FAM193B: variants seen among roughly 807,000 people sequenced by gnomAD.
The protein encoded by FAM193B is family with sequence similarity 193 member B.
A neutral mutation model predicts 70.7 loss-of-function variants in FAM193B; 27 were observed. The ratio of observed to expected loss-of-function variants is 0.38; its 90% CI spans 0.28 to 0.53. The LOEUF (loss-of-function observed/expected upper bound fraction) is 0.53. Among genes scored for constraint, FAM193B ranks in the 20% least tolerant of loss-of-function variants. FAM193B has a pLI of 0.81. For missense variants in FAM193B, 1,022 were observed against 1,072.5 expected (o/e 0.95, Z 0.66); for synonymous variants, 448 against 436.0 (o/e 1.03, Z -0.34).
At chr5:177,522,799 C>CT (rs1246733217) in intron 7 of FAM193B, among the ~76,000 whole-genome samples, 1 of 152,248 alleles carries the variant, frequency 6.6e-6, no homozygotes, top group Non-Finnish European at 1.5e-5. Context: ...ACTGCAACCT[C>CT]TGACTCCCAG....
intron 5 of FAM193B, chr5:177,531,322 G>A (rs547634855): frequency 7.4e-7 from 1 of 1,355,076 alleles, no homozygotes; most frequent in East Asian, 4.7e-5. Context: ...GGCGGCCCTG[G>A]CGCTGTTGGG....
rs997576046 is a variant in FAM193B at position 177,547,433 on chromosome 5, C to T, written c.210+6816G>A. Among the ~76,000 whole-genome samples the T allele has an allele frequency of 3.3e-5, 5 of 150,680 alleles. No individual in the cohort carries two copies. The South Asian group carries it at 8.5e-4, about 25-fold the overall frequency. ...CTGTGTAGCTGGGACTACAGGCACG[C>T]GCCACCATGCCCGGCTAATTTTTGT... On this transcript the variant is annotated intron_variant, in intron 1 of 8. Transcript: ENST00000514747.
At chr5:177,539,209 T>C (rs1224398480) in intron 1 of FAM193B, 62 bp from the exon 2 acceptor site, 2 of 1,474,100 alleles carry the variant, frequency 1.4e-6, no homozygotes, top group East Asian at 5.0e-5. Flanking sequence ...AAAATAATAG[T>C]AACAATATTA....
chr5:177,536,575 G>A lies in FAM193B; in HGVS notation c.859C>T (p.Pro287Ser). Residue 287 changes from proline to serine, a missense_variant, in exon 4 of 9, where the codon CCT becomes TCT. Coordinates refer to ENST00000514747, the MANE Select transcript of FAM193B (RefSeq NM_001190946.3). ...ACAGGGCACTCTGAAGCCTGGGCAG[G>A]GAAAGGTGCTGCCGGGGTGGTGGGC... The part of the protein sequence containing the change: ...LLPTTPAAPF[P>S]AQASECPVAA... 1 of 1,544,942 alleles carries A rather than the reference G, an allele frequency of 6.5e-7. No individual in the cohort carries two copies. The highest frequency in any genetic ancestry group is 8.7e-7 in the Non-Finnish European group (1 of 1,152,934).
chr5:177,538,808 AG>A lies in FAM193B; in HGVS notation c.453+96del, dbSNP rs1304209248. On this transcript the variant is annotated intron_variant, in intron 2 of 8. Transcript: ENST00000514747. The surrounding 1 kb of genome is among the most constrained non-coding windows in gnomAD (Gnocchi z 4.1). The stretch of plus-strand genomic sequence containing the variant: ...AAGTCTCTCAGTGCCTGGGCATGGG[AG>A]CTGCCCAAGGAGAGCCACCTGAGGA... The A allele has an allele frequency of 6.7e-7, 1 of 1,494,838 alleles. No individual in the cohort carries two copies. Among genetic ancestry groups the A allele is most frequent in the East Asian group, 2.3e-5 (1 of 43,734 alleles). 92.6% of individuals were successfully genotyped at this position (1,494,838 alleles called of 1,614,324 possible).
chr5:177,539,049 C>T lies in FAM193B; in HGVS notation c.309G>A (p.Val103=). 1 of 1,614,016 alleles carries T rather than the reference C, an allele frequency of 6.2e-7. No individual in the cohort carries two copies. Among genetic ancestry groups the T allele is most frequent in the Non-Finnish European group, 8.5e-7 (1 of 1,179,890 alleles). ...CAGGGGGCAGCTTCTCACCCTGCAACACCAGTCCATTTTGAGAAGGGCCTT... is the reference window on the plus strand; with the variant it reads ...CAGGGGGCAGCTTCTCACCCTGCAATACCAGTCCATTTTGAGAAGGGCCTT... The part of the protein sequence containing the change: ...WEEGPSQNGL[V]LQGEKLPPDF... The change falls in exon 2 of 9, where the codon GTG becomes GTA. Residue 103 remains valine (V), a synonymous_variant. Transcript: ENST00000514747.
intron 5 of FAM193B, chr5:177,531,663 CCT>C: frequency 1.3e-6 from 1 of 780,040 alleles, no homozygotes; most frequent in Non-Finnish European, 1.8e-6. Context: ...ATGGCTTCAC[CCT>C]CTCAGCCAGG....
At chr5:177,552,593 C>T (rs949039921) in intron 1 of FAM193B, among the ~76,000 whole-genome samples, 4 of 152,236 alleles carry the variant, frequency 2.6e-5, no homozygotes, top group African/African-American at 9.6e-5. Context: ...CCAGCTCTCC[C>T]TTCTCCCACT....
chr5:177,554,107 G>A (rs1766711767), intron 1 of FAM193B, 142 bp downstream of exon 1: 3 of 1,398,922 alleles, frequency 2.1e-6, no homozygotes, highest in Non-Finnish European at 2.8e-6. Flanking sequence ...CCCCGGGGGA[G>A]AAAGCTTCGG....
chr5:177,530,022 C>T (rs2127459848), intron 5 of FAM193B, among the ~76,000 whole-genome samples: 1 of 152,316 alleles, frequency 6.6e-6, no homozygotes, highest in South Asian at 2.1e-4. Context: ...TTTGACCACC[C>T]AGGAACTGGA....
intron 5 of FAM193B, among the ~76,000 whole-genome samples, chr5:177,527,867 C>A (rs777223371): frequency 1.1e-4 from 17 of 152,140 alleles, no homozygotes; most frequent in Middle Eastern, 3.2e-3. Flanking sequence ...CAGGCCTGTT[C>A]GGAGAAAGAC....
rs753707430 is a variant in FAM193B, at chr5:177,539,156, C to T, written c.211-9G>A. 1.9e-6 allele frequency: 3 copies of T among 1,543,702 alleles called. No homozygotes were observed. The highest frequency in any genetic ancestry group is 2.6e-6 in the Non-Finnish European group (3 of 1,142,966). ...CTGGAGGCGGGGGGGACCTGTCCAA[C>T]AGACAGAAACAGGGTTTCCCAGGAG... On this transcript the variant is annotated splice_polypyrimidine_tract_variant and intron_variant, in intron 1 of 8. Coordinates refer to ENST00000514747, the MANE Select transcript of FAM193B (RefSeq NM_001190946.3).
chr5:177,527,002 G>A (rs1197833239), intron 5 of FAM193B, among the ~76,000 whole-genome samples: 6 of 152,212 alleles, frequency 3.9e-5, no homozygotes, highest in African/African-American at 7.2e-5. Flanking sequence ...AAGAAAGCAC[G>A]GGGTGATCTG....
At chr5:177,540,694 G>T (rs1292760118) in intron 1 of FAM193B, among the ~76,000 whole-genome samples, 1 of 152,162 alleles carries the variant, frequency 6.6e-6, no homozygotes, top group Non-Finnish European at 1.5e-5. Flanking sequence ...AAACATGAGT[G>T]AGCCCAGCCG....
In FAM193B at chr5:177,538,257, C is replaced by A. The variant is rs1764419142; in HGVS notation, c.454-150G>T. 1 of 796,820 alleles carries A rather than the reference C, an allele frequency of 1.3e-6. No individual in the cohort carries two copies. The highest frequency in any genetic ancestry group is 3.8e-4 in the Middle Eastern group (1 of 2,624). The allele number at this position is 796,820 out of a possible 1,614,324, so 49.4% of individuals were successfully genotyped here. A position where few individuals can be genotyped will look rare whatever the true frequency, so the allele number is the denominator to read the frequency against. On this transcript the variant is annotated intron_variant, in intron 2 of 8. Coordinates refer to ENST00000514747, the MANE Select transcript of FAM193B (RefSeq NM_001190946.3). The surrounding 1 kb of genome is among the most constrained non-coding windows in gnomAD (Gnocchi z 4.1). ...ATTAATACAACTCCAGCTATAAGAA[C>A]AAATGAGGGCCAGGCCTTTGCTGGG...
Position 177,554,414 on chromosome 5 carries a change from G to C in FAM193B, c.45C>G (p.Arg15=). Reference sequence around the variant, plus strand: ...GCGGCCCCGCGGCCCGAGCCCGCTCGCGCCTGCCCGCACCGCCGCTCGGCC... The same window carrying C: ...GCGGCCCCGCGGCCCGAGCCCGCTCCCGCCTGCCCGCACCGCCGCTCGGCC... ...RSRPSGGAGR[R]ERARAAGPQK... is the part of the protein sequence containing the mutation. The change falls in exon 1 of 9, where the codon CGC becomes CGG. Residue 15 remains arginine (R), a synonymous_variant. Transcript: ENST00000514747. 3.6e-6 allele frequency: 4 copies of C among 1,114,400 alleles called. No homozygotes were observed. The highest frequency in any genetic ancestry group is 4.4e-6 in the Non-Finnish European group (4 of 914,032). The allele number at this position is 1,114,400 out of a possible 1,614,324, so 69.0% of individuals were successfully genotyped here. A position where few individuals can be genotyped will look rare whatever the true frequency, so the allele number is the denominator to read the frequency against.
rs1358363088 is a variant in FAM193B at position 177,538,832 on chromosome 5, G to A, written c.453+73C>T. The A allele has an allele frequency of 3.2e-6, 5 of 1,581,380 alleles. No individual in the cohort carries two copies. Among genetic ancestry groups the A allele is most frequent in the Non-Finnish European group, 4.3e-6 (5 of 1,160,072 alleles). On this transcript the variant is annotated intron_variant, in intron 2 of 8. Coordinates refer to ENST00000514747, the MANE Select transcript of FAM193B (RefSeq NM_001190946.3). This position sits in a 1 kb window ranked among gnomAD's most constrained non-coding sequence, Gnocchi z 4.1. The stretch of plus-strand genomic sequence containing the variant: ...GAGCTGCCCAAGGAGAGCCACCTGA[G>A]GACAGGGAACAGCCTGACTTCCTTG...
At chr5:177,531,617 A>G (rs1763477812) in intron 5 of FAM193B, 1 of 1,042,946 alleles carries the variant, frequency 9.6e-7, no homozygotes, top group African/African-American at 1.7e-5. Context: ...GAGAAGCAAG[A>G]CAACTGTTCT....
Position 177,536,467 on chromosome 5 carries a change from G to A in FAM193B, c.967C>T (p.Pro323Ser). 1.3e-6 allele frequency: 2 copies of A among 1,585,154 alleles called. No individual in the cohort carries two copies. Among genetic ancestry groups the A allele is most frequent in the Admixed American group, 1.9e-5 (1 of 51,596 alleles). Residue 323 changes from proline (P) to serine (S), a missense_variant, in exon 4 of 9, where the codon CCC (proline) becomes TCC (serine). By Grantham distance (74) the Pro-to-Ser change is moderately conservative (BLOSUM62 -1). Coordinates refer to ENST00000514747, the MANE Select transcript of FAM193B (RefSeq NM_001190946.3). Reference protein sequence around the residue: ...PSTSMPLLKMPPPFSGCSHPC... With the variant: ...PSTSMPLLKMSPPFSGCSHPC... ...TGGCTGCACCCCGAGAATGGTGGGG[G>A]CATCTTCAGGAGCGGCATGCTGGTG... is the stretch of plus-strand genomic sequence containing the variant.
Sources: allele counts gnomAD v4.1 joint callset (sites outside exome capture counted in the v4.1 genomes callset), GRCh38; gene constraint gnomAD v4.1.1; non-coding constraint Gnocchi (gnomAD v3.1); transcripts MANE v1.5; gene names NCBI Gene and HGNC (gene_info 2026-07-23, HGNC 2026-07-21).